PLEKHB2: variants seen among roughly 807,000 people sequenced by gnomAD.
The protein encoded by PLEKHB2 is pleckstrin homology domain containing B2, also known as pleckstrin homology domain-containing family B member 2.
PLEKHB2 carries 31 observed loss-of-function variants against 36.5 expected under a neutral mutation model. The observed-to-expected ratio is 0.85, with a 90% confidence interval of 0.64 to 1.15. PLEKHB2 has a LOEUF of 1.15. PLEKHB2 is among the 50% of genes most tolerant of loss of function. The pLI is 0.00. For missense variants in PLEKHB2, 262 were observed against 295.3 expected (o/e 0.89, Z 0.83); for synonymous variants, 119 against 112.0 (o/e 1.06, Z -0.39).
At chr2:131,131,884 A>C (rs1467979462) in intron 5 of PLEKHB2, among the ~76,000 whole-genome samples, 1 of 151,186 alleles carries the variant, frequency 6.6e-6, no homozygotes, top group African/African-American at 2.4e-5. Flanking sequence ...CCCAGGCCAG[A>C]GTGCAGTGGA....
chr2:131,132,982 G>A lies in PLEKHB2; in HGVS notation c.414G>A (p.Pro138=), dbSNP rs759238600. ...SPPPYTAYAA[P]APEQAYGYGP... The stretch of plus-strand genomic sequence containing the variant: ...CACCATACACGGCCTATGCTGCACC[G>A]GCCCCTGAGGTAGGGAGAACCCTGA... The change falls in exon 6 of 8, where the codon CCG becomes CCA. Residue 138 remains proline, a synonymous_variant. Transcript: ENST00000693505. 10 of 1,612,580 alleles carry A rather than the reference G, an allele frequency of 6.2e-6. No individual in the cohort carries two copies. The highest frequency in any genetic ancestry group is 1.6e-4 in the Middle Eastern group (1 of 6,082).
At chr2:131,125,698 A>G in intron 2 of PLEKHB2, 55 bp from the exon 3 acceptor site, 1 of 1,491,868 alleles carries the variant, frequency 6.7e-7, no homozygotes, top group Non-Finnish European at 9.1e-7. Context: ...CTTGGGCGAA[A>G]TAGTAAGACT....
At chr2:131,131,430 C>T (rs1219739790) in intron 5 of PLEKHB2, among the ~76,000 whole-genome samples, 1 of 152,176 alleles carries the variant, frequency 6.6e-6, no homozygotes, top group East Asian at 1.9e-4. Flanking sequence ...ACTTGTCTCT[C>T]GTCCTGTTTC....
intron 4 of PLEKHB2, among the ~76,000 whole-genome samples, chr2:131,128,546 G>A (rs772422820): frequency 6.6e-6 from 1 of 152,096 alleles, no homozygotes; most frequent in Non-Finnish European, 1.5e-5. Flanking sequence ...GCTGTGTGAG[G>A]GCAGAGATTT....
intron 1 of PLEKHB2, among the ~76,000 whole-genome samples, chr2:131,114,218 T>C (rs1695617282): frequency 1.3e-5 from 2 of 152,194 alleles, no homozygotes; most frequent in South Asian, 2.1e-4. Flanking sequence ...CTCCGCCTCC[T>C]GGGTTCGCAC....
intron 2 of PLEKHB2, among the ~76,000 whole-genome samples, chr2:131,124,541 C>T (rs991080143): frequency 5.3e-5 from 8 of 152,144 alleles, no homozygotes; most frequent in East Asian, 1.9e-4. Context: ...TTATATACCA[C>T]GTTAAATACC....
rs775158381 is a variant in PLEKHB2 at position 131,140,274 on chromosome 2, A to G, written c.531A>G (p.Ala177=). The G allele has an allele frequency of 6.5e-7, 1 of 1,547,924 alleles. No individual in the cohort carries two copies. Residue 177 remains alanine (A), a splice_region_variant and synonymous_variant, in exon 7 of 8, where the codon GCA becomes GCG. Transcript: ENST00000693505. ...CCGTGCCCTACCAGTACCCATATGC[A>G]GGTAACTCACGCCGGCCTTTCATTC... ...AYAVPYQYPY[A]GLYGQQPANQ...
intron 1 of PLEKHB2, chr2:131,120,588 AG>A: frequency 2.9e-6 from 1 of 350,210 alleles, no homozygotes; most frequent in Non-Finnish European, 5.4e-6. Flanking sequence ...CGCCAAATGT[AG>A]GCACCTCAGG....
chr2:131,138,036 T>TA (rs1043768930), intron 6 of PLEKHB2, among the ~76,000 whole-genome samples: 1 of 149,288 alleles, frequency 6.7e-6, no homozygotes, highest in African/African-American at 2.5e-5. Flanking sequence ...TTTTTTTTTT[T>TA]ACTTCAATCT....
intron 7 of PLEKHB2, among the ~76,000 whole-genome samples, chr2:131,145,997 A>G (rs1034025422): frequency 5.9e-5 from 9 of 151,788 alleles, no homozygotes; most frequent in Non-Finnish European, 1.2e-4. Flanking sequence ...CCTGGCTAAC[A>G]CGGTGAAACC....
chr2:131,126,754 T>C lies in PLEKHB2; in HGVS notation c.261T>C (p.Ile87=). The part of the protein sequence containing the change: ...LQIVCRDGKT[I]SLCAESTDDC... Reference sequence around the variant, plus strand: ...TTGTTTGTCGAGATGGGAAAACAATTAGTCTTTGTGCAGAAAGCACAGATG... The same window carrying C: ...TTGTTTGTCGAGATGGGAAAACAATCAGTCTTTGTGCAGAAAGCACAGATG... The change falls in exon 4 of 8, where the codon ATT becomes ATC. Residue 87 remains isoleucine (I), a synonymous_variant. Coordinates refer to ENST00000693505, the MANE Select transcript of PLEKHB2 (RefSeq NM_001100623.2). 1 of 1,607,660 alleles carries C rather than the reference T, an allele frequency of 6.2e-7. No individual in the cohort carries two copies. The highest frequency in any genetic ancestry group is 8.5e-7 in the Non-Finnish European group (1 of 1,174,106).
Position 131,148,558 on chromosome 2 carries a change from G to C in PLEKHB2, c.*1785G>C, listed in dbSNP as rs1699456042. ...TTGCCTGGCTGGTTACACACATGCT[G>C]TCTTGCTTTGCTGCTCAGCCACCTC... On this transcript the variant is annotated 3_prime_UTR_variant, in exon 8 of 8. Coordinates refer to ENST00000693505, the MANE Select transcript of PLEKHB2 (RefSeq NM_001100623.2). The C allele has an allele frequency of 6.6e-6, 1 of 152,220 alleles. No individual in the cohort carries two copies. The highest frequency in any genetic ancestry group is 6.5e-5 in the Admixed American group (1 of 15,282). 9.4% of individuals were successfully genotyped at this position (152,220 alleles called of 1,614,324 possible).
intron 4 of PLEKHB2, among the ~76,000 whole-genome samples, chr2:131,128,800 A>G (rs951348706): frequency 6.6e-6 from 1 of 152,254 alleles, no homozygotes; most frequent in African/African-American, 2.4e-5. Flanking sequence ...TAAAGTGTAC[A>G]ACCCAAAAGA....
chr2:131,110,317 G>GTTTT (rs781526594), intron 1 of PLEKHB2, among the ~76,000 whole-genome samples: 1 of 129,452 alleles, frequency 7.7e-6, no homozygotes. Context: ...AGTCTGGACT[G>GTTTT]TTTTTTTTTT....
At chr2:131,107,180 A>G (rs1219212873) in intron 1 of PLEKHB2, among the ~76,000 whole-genome samples, 2 of 152,240 alleles carry the variant, frequency 1.3e-5, no homozygotes, top group Non-Finnish European at 2.9e-5. Context: ...AATAACAGTA[A>G]CTACCAAAAA....
Position 131,120,964 on chromosome 2 carries a change from G to T in PLEKHB2, c.23G>T (p.Trp8Leu). ...GAGATGGCGTTTGTGAAGAGTGGCT[G>T]GTTGCTGCGACAGAGTGAGTACAGG... is the stretch of plus-strand genomic sequence containing the variant. MAFVKSGWLLRQSTILKR... is the reference protein window; with the variant it reads MAFVKSGLLLRQSTILKR... The change falls in exon 2 of 8, where the codon TGG becomes TTG. Residue 8 changes from tryptophan (W) to leucine (L), a missense_variant. Coordinates refer to ENST00000693505, the MANE Select transcript of PLEKHB2 (RefSeq NM_001100623.2). 6.2e-7 allele frequency: 1 copy of T among 1,614,178 alleles called. No homozygotes were observed. The highest frequency in any genetic ancestry group is 8.5e-7 in the Non-Finnish European group (1 of 1,179,982).
chr2:131,125,432 G>A (rs1391793808), intron 2 of PLEKHB2, among the ~76,000 whole-genome samples: 1 of 152,162 alleles, frequency 6.6e-6, no homozygotes, highest in African/African-American at 2.4e-5. Context: ...GACTGCTTTG[G>A]GTAATTCTAT....
At chr2:131,109,460 C>A (rs1287630861) in intron 1 of PLEKHB2, among the ~76,000 whole-genome samples, 1 of 152,050 alleles carries the variant, frequency 6.6e-6, no homozygotes, top group East Asian at 1.9e-4. Context: ...GAGGCTGAGG[C>A]GGGTGGATCC....
chr2:131,106,355 C>T (rs1694733264), intron 1 of PLEKHB2, among the ~76,000 whole-genome samples: 1 of 152,058 alleles, frequency 6.6e-6, no homozygotes, highest in African/African-American at 2.4e-5. Context: ...GAGGAATATT[C>T]CAAGGTCTTC....
Sources: gnomAD v4.1 joint callset for allele counts (sites outside exome capture counted in the v4.1 genomes callset) on GRCh38, gnomAD v4.1.1 for gene constraint, MANE v1.5 for transcripts, NCBI Gene and HGNC (gene_info 2026-07-23, HGNC 2026-07-21) for gene names.